Variants in UGT2B4 observed in about 807,000 individuals in gnomAD.
UGT2B4 encodes the protein UDP glucuronosyltransferase family 2 member B4.
UGT2B4 carries 49 observed loss-of-function variants against 49.8 expected under a neutral mutation model. That is an observed-to-expected ratio of 0.98 (90% CI 0.78 to 1.25). UGT2B4 has a LOEUF of 1.25. UGT2B4 is among the 50% of genes most tolerant of loss of function. UGT2B4 has a pLI of 0.00. For missense variants in UGT2B4, 729 were observed against 627.7 expected (o/e 1.16, Z -1.73); for synonymous variants, 246 against 217.7 (o/e 1.13, Z -1.14).
intron 1 of UGT2B4, among the ~76,000 whole-genome samples, chr4:69,516,196 G>T (rs1451479274): frequency 6.6e-6 from 1 of 152,074 alleles, no homozygotes; most frequent in Non-Finnish European, 1.5e-5. Context: ...ATGGCTACAC[G>T]GTATTCCATG....
At chr4:69,516,541 G>T (rs1465025269) in intron 1 of UGT2B4, among the ~76,000 whole-genome samples, 1 of 152,164 alleles carries the variant, frequency 6.6e-6, no homozygotes, top group Non-Finnish European at 1.5e-5. Flanking sequence ...GGTGTGAGAT[G>T]ATGACTCATT....
At chr4:69,497,892 T>G (rs1028268480), upstream of UGT2B4, among the ~76,000 whole-genome samples, 1 of 152,244 alleles carries the variant, frequency 6.6e-6, no homozygotes, top group Non-Finnish European at 1.5e-5. Context: ...GGTTAGTGGA[T>G]GTGGCATATG....
chr4:69,496,676 C>T (rs113644478), upstream of UGT2B4, among the ~76,000 whole-genome samples: 9 of 152,242 alleles, frequency 5.9e-5, 1 homozygote, highest in African/African-American at 2.2e-4. Flanking sequence ...ACTCCCTACC[C>T]CTTCTTTCTG....
intron 5 of UGT2B4, among the ~76,000 whole-genome samples, chr4:69,484,941 A>G (rs1727724176): frequency 6.6e-6 from 1 of 152,120 alleles, no homozygotes; most frequent in South Asian, 2.1e-4. Flanking sequence ...ATTACGTCAA[A>G]TTTATTTTAA....
intron 1 of UGT2B4, among the ~76,000 whole-genome samples, chr4:69,508,395 T>C (rs1377107877): frequency 1.3e-5 from 2 of 152,140 alleles, no homozygotes; most frequent in Non-Finnish European, 1.5e-5. Flanking sequence ...TAAAGAAACA[T>C]GTATGCACAT....
In UGT2B4 at chr4:69,485,236, C is replaced by G. The variant is rs766256482; in HGVS notation, c.1282G>C (p.Ala428Pro). ...HTMSSTDLLN[A>P]LKTVINDPLY... is the part of the protein sequence containing the mutation. Reference sequence around the variant, plus strand: ...GGATCATTAATTACTGTCTTCAGTGCATTGAGTAAGTCTGTACTCGACATT... The same window carrying G: ...GGATCATTAATTACTGTCTTCAGTGGATTGAGTAAGTCTGTACTCGACATT... The change falls in exon 5 of 6, where the codon GCA becomes CCA. Residue 428 changes from alanine (A) to proline (P), a missense_variant. Ala to Pro is a conservative substitution (Grantham distance 27). Transcript: ENST00000305107. 6.2e-7 allele frequency: 1 copy of G among 1,613,832 alleles called. No homozygotes were observed. Among genetic ancestry groups the G allele is most frequent in the South Asian group, 1.1e-5 (1 of 91,066 alleles).
At chr4:69,509,746 G>T (rs1310280169) in intron 1 of UGT2B4, among the ~76,000 whole-genome samples, 3 of 151,812 alleles carry the variant, frequency 2.0e-5, no homozygotes, top group Admixed American at 6.6e-5. Flanking sequence ...AAATATTTTG[G>T]TTTTTAACCC....
At chr4:69,493,142 TTG>T (rs1728043729) in intron 2 of UGT2B4, among the ~76,000 whole-genome samples, 1 of 152,060 alleles carries the variant, frequency 6.6e-6, no homozygotes, top group Non-Finnish European at 1.5e-5. Context: ...GCTTTTCTTT[TTG>T]TGTTTTTTTC....
At chr4:69,511,428 A>G (rs1350298850) in intron 1 of UGT2B4, among the ~76,000 whole-genome samples, 1 of 152,110 alleles carries the variant, frequency 6.6e-6, no homozygotes, top group African/African-American at 2.4e-5. Flanking sequence ...GTCTTCATTC[A>G]TCATTCTGTT....
At chr4:69,512,197 G>T (rs559363425) in intron 1 of UGT2B4, among the ~76,000 whole-genome samples, 147 of 151,362 alleles carry the variant, frequency 9.7e-4, no homozygotes, top group Non-Finnish European at 1.6e-3. Flanking sequence ...GGCTTAGTTT[G>T]TTCTTTCTTG....
intron 5 of UGT2B4, among the ~76,000 whole-genome samples, chr4:69,484,572 T>C (rs914779607): frequency 2.0e-5 from 3 of 152,164 alleles, no homozygotes; most frequent in African/African-American, 7.2e-5. Flanking sequence ...ATATGAAATA[T>C]GTAGAGAGAA....
chr4:69,494,951 G>A (rs927796863), intron 1 of UGT2B4, among the ~76,000 whole-genome samples, 190 bp downstream of exon 1: 4 of 152,172 alleles, frequency 2.6e-5, no homozygotes, highest in African/African-American at 7.2e-5. Flanking sequence ...GATGGCCACA[G>A]AGTTTTAACT....
At chr4:69,503,277 TG>T (rs1467860263) in intron 1 of UGT2B4, among the ~76,000 whole-genome samples, 1 of 152,098 alleles carries the variant, frequency 6.6e-6, no homozygotes, top group Non-Finnish European at 1.5e-5. Context: ...TTTGGTGCCC[TG>T]GGGGCTCACA....
chr4:69,485,830 C>G (rs759430089), intron 4 of UGT2B4, among the ~76,000 whole-genome samples: 1 of 152,154 alleles, frequency 6.6e-6, no homozygotes, highest in Non-Finnish European at 1.5e-5. Flanking sequence ...GGTGCAATCT[C>G]GGCTCACTGC....
At chr4:69,483,945 A>G (rs1296783476) in intron 5 of UGT2B4, among the ~76,000 whole-genome samples, 1 of 152,228 alleles carries the variant, frequency 6.6e-6, no homozygotes, top group Non-Finnish European at 1.5e-5. Context: ...TAGTTCTTAT[A>G]TAAAACTCAA....
upstream of UGT2B4, among the ~76,000 whole-genome samples, chr4:69,500,621 GA>G (rs1166753616): frequency 1.9e-4 from 23 of 124,236 alleles, no homozygotes; most frequent in South Asian, 2.7e-4. Flanking sequence ...AAGAAAGAAA[GA>G]AAGAAAGAAA....
intron 2 of UGT2B4, among the ~76,000 whole-genome samples, chr4:69,492,414 T>C (rs1267117662): frequency 6.6e-6 from 1 of 152,132 alleles, no homozygotes; most frequent in East Asian, 1.9e-4. Context: ...ATTATTTTCT[T>C]ATAAGTTAGA....
chr4:69,509,915 C>T (rs1006441894), intron 1 of UGT2B4, among the ~76,000 whole-genome samples: 1 of 151,812 alleles, frequency 6.6e-6, no homozygotes, highest in African/African-American at 2.4e-5. Context: ...AGATCATATT[C>T]AAAAAAATTG....
rs41297743 is a variant in UGT2B4, at chr4:69,481,462, G to A, written c.1311-552C>T. On this transcript the variant is annotated intron_variant, in intron 5 of 5. Coordinates refer to ENST00000305107, the MANE Select transcript of UGT2B4 (RefSeq NM_021139.3). ...AAATATTTTTAAAGTAACAATGGAG[G>A]GTCAGGTGAGAAAGTTAATTATTTG... 9.3e-4 allele frequency among the ~76,000 whole-genome samples: 141 copies of A among 152,210 alleles called. 1 individual carries two copies. The East Asian group carries it at 0.025, about 27-fold the overall frequency.
Sources: gnomAD v4.1 joint callset for allele counts (sites outside exome capture counted in the v4.1 genomes callset) on GRCh38, gnomAD v4.1.1 for gene constraint, MANE v1.5 for transcripts, NCBI Gene and HGNC (gene_info 2026-07-23, HGNC 2026-07-21) for gene names.